The following LRRC49 variants were observed in gnomAD, a reference collection of about 807,000 sequenced individuals.
The protein encoded by LRRC49 is leucine-rich repeat-containing protein 49.
LRRC49 carries 50 observed loss-of-function variants against 83.3 expected under a neutral mutation model. The ratio of observed to expected loss-of-function variants is 0.60; its 90% confidence interval spans 0.48 to 0.76. The LOEUF (loss-of-function observed/expected upper bound fraction) is 0.76. Among genes scored for constraint, LRRC49 ranks in the 30% least tolerant of loss-of-function variants. The pLI is 0.00. For synonymous variants in LRRC49, 286 were observed against 283.3 expected (o/e 1.01, Z -0.10); for missense variants, 704 against 809.1 (o/e 0.87, Z 1.58).
intron 15 of LRRC49, among the ~76,000 whole-genome samples, chr15:71,039,793 C>T (rs1020653091): frequency 3.3e-5 from 5 of 152,066 alleles, no homozygotes; most frequent in East Asian, 1.9e-4. Flanking sequence ...AGTAAAATAT[C>T]GAAAAGCTGC....
upstream of LRRC49, chr15:70,892,259 C>A (rs1490977948): frequency 6.4e-7 from 1 of 1,573,766 alleles, no homozygotes; most frequent in South Asian, 1.2e-5. Context: ...GGCGGCCACA[C>A]AACGGGCCGG....
intron 8 of LRRC49, among the ~76,000 whole-genome samples, chr15:70,953,686 T>G (rs1221807964): frequency 6.6e-6 from 1 of 152,164 alleles, no homozygotes; most frequent in East Asian, 1.9e-4. Flanking sequence ...TGGGAAAATT[T>G]TCATGGACTA....
At chr15:70,941,496 G>GT (rs1249956103) in intron 8 of LRRC49, among the ~76,000 whole-genome samples, 1 of 141,314 alleles carries the variant, frequency 7.1e-6, no homozygotes, top group Non-Finnish European at 1.5e-5. Flanking sequence ...GTAGTAGAGA[G>GT]TAAAAAAAAA....
chr15:71,039,999 A>G (rs2039649877), intron 15 of LRRC49, among the ~76,000 whole-genome samples: 1 of 152,218 alleles, frequency 6.6e-6, no homozygotes, highest in South Asian at 2.1e-4. Flanking sequence ...ATTTAAAAAT[A>G]TTGGTGCAAA....
chr15:70,905,133 T>C (rs1378521396), intron 5 of LRRC49, among the ~76,000 whole-genome samples: 1 of 152,232 alleles, frequency 6.6e-6, no homozygotes, highest in African/African-American at 2.4e-5. Context: ...AGACACTCGA[T>C]ACTTTGTGAT....
chr15:70,893,295 A>C, intron 1 of LRRC49: 1 of 553,632 alleles, frequency 1.8e-6, no homozygotes, highest in Non-Finnish European at 3.2e-6. Flanking sequence ...CACCTGTCTC[A>C]TTGAGATGTT....
chr15:71,033,527 GA>G (rs1238690047), intron 14 of LRRC49, among the ~76,000 whole-genome samples: 3 of 151,922 alleles, frequency 2.0e-5, no homozygotes, highest in Admixed American at 6.6e-5. Context: ...CACAGAATTA[GA>G]AAAAAACTAC....
At chr15:71,030,987 T>G (rs1157414124) in intron 14 of LRRC49, among the ~76,000 whole-genome samples, 1 of 152,102 alleles carries the variant, frequency 6.6e-6, no homozygotes, top group Non-Finnish European at 1.5e-5. Flanking sequence ...ATTACCCATC[T>G]TCTGAAGCCT....
At chr15:71,039,863 A>G (rs952823785) in intron 15 of LRRC49, among the ~76,000 whole-genome samples, 7 of 152,236 alleles carry the variant, frequency 4.6e-5, no homozygotes, top group Non-Finnish European at 1.0e-4. Context: ...GAGAATTCTA[A>G]TGATTTTAAA....
At chr15:71,014,178 A>G (rs1432073865) in intron 14 of LRRC49, among the ~76,000 whole-genome samples, 1 of 152,218 alleles carries the variant, frequency 6.6e-6, no homozygotes, top group Admixed American at 6.5e-5. Context: ...ATGTAGAAAG[A>G]AATCGGTAAA....
chr15:71,048,703 A>G, intron 15 of LRRC49: 1 of 431,762 alleles, frequency 2.3e-6, no homozygotes, highest in South Asian at 1.7e-5. Flanking sequence ...AGTCTCTGTG[A>G]TGAAATTGGG....
At chr15:71,004,542 C>T (rs182623797) in intron 11 of LRRC49, among the ~76,000 whole-genome samples, 12 of 151,688 alleles carry the variant, frequency 7.9e-5, no homozygotes, top group African/African-American at 1.7e-4. Context: ...CCCAGCTACT[C>T]GGGAGGCTGA....
At chr15:70,998,581 A>C (rs79128091) in intron 11 of LRRC49, among the ~76,000 whole-genome samples, 4,018 of 151,990 alleles carry the variant, frequency 0.026, 184 homozygotes, top group African/African-American at 0.092. Context: ...CATTATGAGT[A>C]ACTTCTCTCT....
In LRRC49 at chr15:71,008,535, AAC is replaced by A; in HGVS notation, c.1328_1329del (p.Thr443SerfsTer9). 4 of 1,612,798 alleles carry A rather than the reference AAC, an allele frequency of 2.5e-6. No individual in the cohort carries two copies. The highest frequency in any genetic ancestry group is 3.4e-6 in the Non-Finnish European group (4 of 1,179,168). ...WSVQTAGMIT[T>X]VSFTFIEFDE... ...GTGTTCAAACAGCAGGAATGATCAC[AAC>A]AGTCTCCTTCACTTTCATAGAATTT... On this transcript the variant is annotated frameshift_variant, in exon 12 of 16. Coordinates refer to ENST00000260382, the MANE Select transcript of LRRC49 (RefSeq NM_017691.5). LOFTEE classifies it high-confidence loss of function.
intron 6 of LRRC49, among the ~76,000 whole-genome samples, chr15:70,914,452 G>T (rs902787644): frequency 6.6e-6 from 1 of 152,124 alleles, no homozygotes; most frequent in Admixed American, 6.5e-5. Flanking sequence ...AAATGGATTG[G>T]GAAGTAGAGA....
At chr15:70,992,163 G>A (rs2037904743) in intron 11 of LRRC49, among the ~76,000 whole-genome samples, 1 of 152,124 alleles carries the variant, frequency 6.6e-6, no homozygotes, top group South Asian at 2.1e-4. Context: ...AGCTCCATCA[G>A]GTCATTTAAG....
intron 11 of LRRC49, among the ~76,000 whole-genome samples, chr15:70,986,606 C>T (rs1289745597): frequency 5.3e-5 from 8 of 150,722 alleles, no homozygotes; most frequent in Non-Finnish European, 1.0e-4. Flanking sequence ...TTCCTCTTTT[C>T]CTAATTGAAT....
At chr15:70,999,913 A>G (rs1294782002) in intron 11 of LRRC49, among the ~76,000 whole-genome samples, 1 of 152,192 alleles carries the variant, frequency 6.6e-6, no homozygotes, top group African/African-American at 2.4e-5. Context: ...AGGGCAAGTG[A>G]TACAAAGGCA....
At position 70,901,043 on chromosome 15, in the gene LRRC49, C is replaced by A; in HGVS notation, c.296+19C>A. 6.6e-7 allele frequency: 1 copy of A among 1,506,158 alleles called. No individual in the cohort carries two copies. The allele number at this position is 1,506,158 out of a possible 1,614,324, so 93.3% of individuals were successfully genotyped here. A position where few individuals can be genotyped will look rare whatever the true frequency, so the allele number is the denominator to read the frequency against. On this transcript the variant is annotated intron_variant, in intron 4 of 15. Transcript: ENST00000260382. ...TAGAAAGGTGAGGACAATTTCTTTTCTTTTCTTTTTTTTGACTAGGTAATA... is the reference window on the plus strand; with the variant it reads ...TAGAAAGGTGAGGACAATTTCTTTTATTTTCTTTTTTTTGACTAGGTAATA...
Sources: gnomAD v4.1 joint callset for allele counts (sites outside exome capture counted in the v4.1 genomes callset) on GRCh38, gnomAD v4.1.1 for gene constraint, MANE v1.5 for transcripts, NCBI Gene and HGNC (gene_info 2026-07-23, HGNC 2026-07-21) for gene names.